The following UNC13C variants were observed in gnomAD, a reference collection of about 807,000 sequenced individuals.
The protein encoded by UNC13C is unc-13 homolog C.
UNC13C carries 174 observed loss-of-function variants against 245.4 expected under a neutral mutation model. The observed-to-expected ratio is 0.71, with a 90% CI of 0.63 to 0.80. The LOEUF (loss-of-function observed/expected upper bound fraction) is 0.80, where lower values mean the gene tolerates loss of function less well. UNC13C is among the 30% of genes least tolerant of loss of function. The probability of loss-of-function intolerance (pLI) is 0.00; values close to 1 mark genes in which losing one functional copy is unlikely to be tolerated. For synonymous variants in UNC13C, 992 were observed against 895.1 expected (o/e 1.11, Z -1.93); for missense variants, 2,829 against 2,602.9 (o/e 1.09, Z -1.89).
At chr15:54,275,265 G>A (rs1280961829) in intron 10 of UNC13C, among the ~76,000 whole-genome samples, 1 of 152,098 alleles carries the variant, frequency 6.6e-6, no homozygotes, top group African/African-American at 2.4e-5. Context: ...AACAAGAACA[G>A]AATTATCTAT....
At chr15:54,338,252 C>A in intron 16 of UNC13C, 109 bp from the exon 17 acceptor site, 2 of 1,274,584 alleles carry the variant, frequency 1.6e-6, no homozygotes, top group Non-Finnish European at 2.1e-6. Flanking sequence ...ACTTACTGAA[C>A]ATAGAAAAAT....
chr15:53,894,527 G>A, the UNC13C span, among the ~76,000 whole-genome samples: 3 of 152,166 alleles, frequency 2.0e-5, no homozygotes, highest in Non-Finnish European at 4.4e-5. Flanking sequence ...AGTTATGGGC[G>A]AAAGTCTGCT....
chr15:54,079,549 T>C lies in UNC13C; in HGVS notation c.2984-63469T>C, dbSNP rs190842702. ...CCTCTTGGTTAGATGTATTCCTGGGTATTTTATTTTTTTGTGTGTGGCTAT... is the reference window on the plus strand; with the variant it reads ...CCTCTTGGTTAGATGTATTCCTGGGCATTTTATTTTTTTGTGTGTGGCTAT... On this transcript the variant is annotated intron_variant, in intron 2 of 32. Coordinates refer to ENST00000260323, the MANE Select transcript of UNC13C (RefSeq NM_001080534.3). Among the ~76,000 whole-genome samples, 142 of 152,172 alleles carry C rather than the reference T, an allele frequency of 9.3e-4. 1 individual carries two copies. The highest frequency in any genetic ancestry group is 5.4e-3 in the South Asian group (26 of 4,824).
chr15:54,251,725 T>C (rs2036157712), intron 8 of UNC13C, among the ~76,000 whole-genome samples: 2 of 152,220 alleles, frequency 1.3e-5, no homozygotes, highest in South Asian at 2.1e-4. Flanking sequence ...TTGTGCCCTC[T>C]GTTTGTTGTT....
the UNC13C span, among the ~76,000 whole-genome samples, chr15:53,887,798 G>C: frequency 2.6e-5 from 4 of 152,102 alleles, no homozygotes; most frequent in Admixed American, 6.5e-5. Flanking sequence ...GTGAGAACAT[G>C]TGGTGTTTGG....
intron 14 of UNC13C, among the ~76,000 whole-genome samples, chr15:54,323,322 T>C (rs1415687213): frequency 6.6e-6 from 1 of 151,980 alleles, no homozygotes; most frequent in Non-Finnish European, 1.5e-5. Flanking sequence ...GAAAGTATAA[T>C]TGTTATTTAA....
chr15:54,570,232 A>G (rs1327596961), intron 30 of UNC13C, among the ~76,000 whole-genome samples: 2 of 152,170 alleles, frequency 1.3e-5, no homozygotes, highest in African/African-American at 2.4e-5. Flanking sequence ...CTACTGCAGC[A>G]TATGCCATAG....
intron 2 of UNC13C, among the ~76,000 whole-genome samples, chr15:54,090,080 T>G (rs1000807182): frequency 6.6e-6 from 1 of 152,184 alleles, no homozygotes; most frequent in Non-Finnish European, 1.5e-5. Flanking sequence ...CTTACATTTC[T>G]TTCTCCGAAG....
chr15:54,596,170 T>A (rs1899072573), intron 30 of UNC13C, among the ~76,000 whole-genome samples: 1 of 152,182 alleles, frequency 6.6e-6, no homozygotes, highest in Non-Finnish European at 1.5e-5. Context: ...TGTGTTAAGT[T>A]CCATCTCAGA....
intron 2 of UNC13C, among the ~76,000 whole-genome samples, chr15:54,060,114 G>T (rs974185234): frequency 2.0e-5 from 3 of 150,118 alleles, no homozygotes; most frequent in African/African-American, 7.4e-5. Flanking sequence ...AAAATTGACA[G>T]ATGGGATCTA....
intron 17 of UNC13C, among the ~76,000 whole-genome samples, chr15:54,352,099 T>C (rs940813171): frequency 1.3e-5 from 2 of 151,684 alleles, no homozygotes; most frequent in Admixed American, 1.3e-4. Flanking sequence ...GAAAGTTAAA[T>C]ATGAAATTTT....
intron 26 of UNC13C, among the ~76,000 whole-genome samples, chr15:54,536,403 C>G (rs549206770): frequency 3.3e-5 from 5 of 151,590 alleles, no homozygotes; most frequent in Non-Finnish European, 7.4e-5. Flanking sequence ...TTATGAGATG[C>G]GTAAAAAAGA....
intron 31 of UNC13C, among the ~76,000 whole-genome samples, chr15:54,622,638 T>C (rs894565840): frequency 2.0e-5 from 3 of 152,208 alleles, no homozygotes; most frequent in Admixed American, 6.6e-5. Flanking sequence ...AATACACTGA[T>C]TAAATATCCA....
At chr15:54,327,610 G>A (rs1350381152) in intron 14 of UNC13C, among the ~76,000 whole-genome samples, 1 of 152,046 alleles carries the variant, frequency 6.6e-6, no homozygotes, top group Non-Finnish European at 1.5e-5. Flanking sequence ...GGGAAGAGAG[G>A]CCAGAGCTCA....
the UNC13C span, among the ~76,000 whole-genome samples, chr15:53,957,545 T>C: frequency 3.9e-5 from 6 of 152,234 alleles, no homozygotes; most frequent in East Asian, 1.2e-3. Context: ...ACATCGTGAA[T>C]GTACTAAATG....
intron 2 of UNC13C, among the ~76,000 whole-genome samples, chr15:54,019,777 A>T (rs1243270995): frequency 6.6e-6 from 1 of 152,210 alleles, no homozygotes; most frequent in Non-Finnish European, 1.5e-5. Context: ...CCTAAGGTAG[A>T]TACTTTGTTA....
At chr15:54,141,862 T>A (rs544078469) in intron 2 of UNC13C, among the ~76,000 whole-genome samples, 277 of 152,280 alleles carry the variant, frequency 1.8e-3, no homozygotes, top group Admixed American at 2.5e-3. Flanking sequence ...TATTTACTTA[T>A]GATAGTTAAG....
chr15:54,355,731 A>C (rs953347924), intron 17 of UNC13C, among the ~76,000 whole-genome samples: 1 of 152,148 alleles, frequency 6.6e-6, no homozygotes, highest in African/African-American at 2.4e-5. Flanking sequence ...ATAATTTAAA[A>C]GATTTTTTTT....
intron 13 of UNC13C, among the ~76,000 whole-genome samples, chr15:54,303,939 A>G (rs1170298206): frequency 6.6e-6 from 1 of 152,032 alleles, no homozygotes; most frequent in Non-Finnish European, 1.5e-5. Context: ...TATTTTGAAT[A>G]TTTATTTGGT....
Sources: gnomAD v4.1 joint callset for allele counts (sites outside exome capture counted in the v4.1 genomes callset) on GRCh38, gnomAD v4.1.1 for gene constraint, MANE v1.5 for transcripts, NCBI Gene and HGNC (gene_info 2026-07-23, HGNC 2026-07-21) for gene names.